Variants in TRHDE observed in about 807,000 individuals in gnomAD.
The protein encoded by TRHDE is thyrotropin-releasing hormone-degrading ectoenzyme.
Under a neutral mutation model 125.7 loss-of-function variants are expected in TRHDE, and 72 were observed. The observed-to-expected ratio is 0.57, with a 90% CI of 0.47 to 0.70. The LOEUF (loss-of-function observed/expected upper bound fraction) is 0.70, where lower values mean the gene tolerates loss of function less well. Among genes scored for constraint, TRHDE ranks in the 30% least tolerant of loss-of-function variants. The probability of loss-of-function intolerance (pLI) is 0.00; values close to 1 mark genes in which losing one functional copy is unlikely to be tolerated. For synonymous variants in TRHDE, 509 were observed against 509.1 expected (o/e 1.00, Z 0.00); for missense variants, 1,110 against 1,327.1 (o/e 0.84, Z 2.54).
chr12:72,440,114 C>T (rs572909449), intron 3 of TRHDE, among the ~76,000 whole-genome samples: 2 of 151,894 alleles, frequency 1.3e-5, no homozygotes, highest in South Asian at 4.1e-4. Context: ...GAATCCCACT[C>T]GATAATGGGC....
chr12:72,652,061 C>A (rs73316846), intron 15 of TRHDE, among the ~76,000 whole-genome samples: 7 of 151,882 alleles, frequency 4.6e-5, no homozygotes, highest in Non-Finnish European at 8.8e-5. Context: ...CTTTATGTTA[C>A]TATTTTTGTT....
At chr12:72,554,865 T>C (rs988191743) in intron 7 of TRHDE, among the ~76,000 whole-genome samples, 2 of 152,182 alleles carry the variant, frequency 1.3e-5, no homozygotes, top group Non-Finnish European at 2.9e-5. Context: ...CACCTTGTTC[T>C]GGAATGGCAT....
intron 15 of TRHDE, among the ~76,000 whole-genome samples, chr12:72,635,485 G>A (rs1472543551): frequency 2.6e-5 from 4 of 152,248 alleles, no homozygotes; most frequent in Non-Finnish European, 5.9e-5. Context: ...TTCTTTTGCT[G>A]TGTAGAAGCT....
At chr12:72,599,595 C>T (rs529937660) in intron 12 of TRHDE, among the ~76,000 whole-genome samples, 68 of 152,000 alleles carry the variant, frequency 4.5e-4, no homozygotes, top group African/African-American at 1.5e-3. Context: ...ATTTAAGTTT[C>T]GGATAGATTC....
At chr12:72,416,026 C>A (rs1873716315) in intron 3 of TRHDE, among the ~76,000 whole-genome samples, 1 of 151,998 alleles carries the variant, frequency 6.6e-6, no homozygotes, top group South Asian at 2.1e-4. Context: ...CCCCTTTCTC[C>A]ACGTCCTTGC....
chr12:72,240,402 C>T (rs904564977), intron 2 of TRHDE, among the ~76,000 whole-genome samples: 2 of 147,688 alleles, frequency 1.4e-5, no homozygotes, highest in South Asian at 2.1e-4. Flanking sequence ...TTATATTGTA[C>T]ATTCTGTTTT....
At chr12:72,204,707 G>A (rs1877629476) in intron 2 of TRHDE, among the ~76,000 whole-genome samples, 3 of 152,052 alleles carry the variant, frequency 2.0e-5, no homozygotes, top group South Asian at 4.1e-4. Flanking sequence ...GGGTCTTTAA[G>A]GTCAATAACT....
chr12:72,210,778 C>T lies in TRHDE; in HGVS notation n.279+105026C>T, dbSNP rs972968234. Among the ~76,000 whole-genome samples, 5 of 152,180 alleles carry T rather than the reference C, an allele frequency of 3.3e-5. No homozygotes were observed. The East Asian group carries it at 9.6e-4, about 29-fold the overall frequency. On this transcript the variant is annotated intron_variant and non_coding_transcript_variant, in intron 2 of 4. Transcript: ENST00000548156. ...AGTTTTCTAAATAGTATAGTCAAAA[C>T]AACCAAAGGTAGAGATAATCTTAAT... is the stretch of plus-strand genomic sequence containing the variant.
chr12:72,209,978 G>A (rs1268749001), intron 2 of TRHDE, among the ~76,000 whole-genome samples: 1 of 151,914 alleles, frequency 6.6e-6, no homozygotes, highest in Non-Finnish European at 1.5e-5. Context: ...ACATTGTTGA[G>A]GCCTAAAAAA....
At chr12:72,426,885 T>G (rs999608163) in intron 3 of TRHDE, among the ~76,000 whole-genome samples, 2 of 152,118 alleles carry the variant, frequency 1.3e-5, no homozygotes, top group Admixed American at 1.3e-4. Context: ...TTTTTATCAT[T>G]GCCAAACTTT....
At chr12:72,218,503 A>G (rs1018346047) in intron 2 of TRHDE, among the ~76,000 whole-genome samples, 3 of 152,120 alleles carry the variant, frequency 2.0e-5, no homozygotes, top group Admixed American at 6.6e-5. Flanking sequence ...GGTTGCTGTA[A>G]TAAATTACTA....
At chr12:72,609,609 C>T (rs1459451769) in intron 12 of TRHDE, among the ~76,000 whole-genome samples, 1 of 152,080 alleles carries the variant, frequency 6.6e-6, no homozygotes, top group Non-Finnish European at 1.5e-5. Flanking sequence ...CAACCTCCTC[C>T]CTCCCTCCAC....
At position 72,658,666 on chromosome 12, in the gene TRHDE, TA is replaced by T. The variant is rs1459046106; in HGVS notation, c.3066+1659del. Among the ~76,000 whole-genome samples, 14 of 152,346 alleles carry T rather than the reference TA, an allele frequency of 9.2e-5. 1 individual carries two copies. In the South Asian group the frequency reaches 1.7e-3, roughly 18 times the overall value. The stretch of plus-strand genomic sequence containing the variant: ...ATATTTCACTGATTTATTAAATTTT[TA>T]CACTTTATTTAATTGCCATTTTAGA... On this transcript the variant is annotated intron_variant, in intron 18 of 18. Transcript: ENST00000261180.
intron 6 of TRHDE, among the ~76,000 whole-genome samples, chr12:72,507,261 C>T (rs1324485665): frequency 6.6e-6 from 1 of 152,088 alleles, no homozygotes; most frequent in Non-Finnish European, 1.5e-5. Context: ...GTAAAGATAC[C>T]TGAAAATATG....
chr12:72,309,410 A>G (rs540274134), intron 2 of TRHDE, among the ~76,000 whole-genome samples: 1 of 152,142 alleles, frequency 6.6e-6, no homozygotes, highest in Admixed American at 6.6e-5. Context: ...TTTTGAAACT[A>G]CTGGAAAGGT....
At chr12:72,518,381 T>C (rs1878992420) in intron 6 of TRHDE, among the ~76,000 whole-genome samples, 1 of 151,116 alleles carries the variant, frequency 6.6e-6, no homozygotes, top group Admixed American at 6.6e-5. Context: ...GTTGAATTGA[T>C]TCCTTTACCA....
intron 3 of TRHDE, among the ~76,000 whole-genome samples, chr12:72,391,471 A>G (rs1325715235): frequency 6.6e-6 from 1 of 152,182 alleles, no homozygotes; most frequent in Admixed American, 6.5e-5. Context: ...AATGGTTTGT[A>G]ACTTAGATTT....
At chr12:72,518,064 A>C (rs1017115348) in intron 6 of TRHDE, among the ~76,000 whole-genome samples, 2 of 148,398 alleles carry the variant, frequency 1.3e-5, no homozygotes, top group Non-Finnish European at 1.5e-5. Flanking sequence ...TTTACTTCCA[A>C]GTATGTGGTC....
chr12:72,580,388 A>C (rs1382523433), intron 12 of TRHDE, among the ~76,000 whole-genome samples: 1 of 152,216 alleles, frequency 6.6e-6, no homozygotes, highest in Middle Eastern at 3.2e-3. Context: ...TATGGCTTGC[A>C]CTTTAAAATT....
Sources: allele counts gnomAD v4.1 joint callset (sites outside exome capture counted in the v4.1 genomes callset), GRCh38; gene constraint gnomAD v4.1.1; transcripts MANE v1.5; gene names NCBI Gene and HGNC (gene_info 2026-07-23, HGNC 2026-07-21).